Variants in ABCC3 observed in about 807,000 individuals in gnomAD.
The protein encoded by ABCC3 is ATP-binding cassette sub-family C member 3.
ABCC3 carries 121 observed loss-of-function variants against 165.3 expected under a neutral mutation model. The observed-to-expected ratio is 0.73, with a 90% CI of 0.63 to 0.85. The LOEUF (loss-of-function observed/expected upper bound fraction) is 0.85, where lower values mean the gene tolerates loss of function less well. Among genes scored for constraint, ABCC3 ranks in the 40% least tolerant of loss-of-function variants. The pLI, the probability that ABCC3 is intolerant of heterozygous loss-of-function variation, is 0.00. For synonymous variants in ABCC3, 733 were observed against 810.1 expected (o/e 0.90, Z 1.62); for missense variants, 1,869 against 1,964.1 (o/e 0.95, Z 0.92).
In ABCC3 at chr17:50,667,767, G is replaced by A. The variant is rs1967556197; in HGVS notation, c.1635+10G>A. 1.9e-6 allele frequency: 3 copies of A among 1,614,064 alleles called. No homozygotes were observed. Among genetic ancestry groups the A allele is most frequent in the Non-Finnish European group, 2.5e-6 (3 of 1,180,022 alleles). On this transcript the variant is annotated intron_variant, in intron 12 of 30. Coordinates refer to ENST00000285238, the MANE Select transcript of ABCC3 (RefSeq NM_003786.4). ...GTGCAGCCCCTTCCTGGTGAGGCTT[G>A]GCACAGGGCTGGGTCCCTGCCTCCA...
chr17:50,683,611 C>G lies in ABCC3; in HGVS notation c.3809C>G (p.Ala1270Gly), dbSNP rs145122306. The G allele has an allele frequency of 2.6e-5, 41 of 1,556,140 alleles. No homozygotes were observed. Among genetic ancestry groups the G allele is most frequent in the Non-Finnish European group, 3.4e-5 (39 of 1,152,392 alleles). ...VKEYSKTETE[A>G]PWVVEGSRPP... ...GACCCCATCTGCCCCTCCTGCCAGG[C>G]GCCCTGGGTGGTGGAAGGCAGCCGC... Residue 1270 changes from alanine (A) to glycine (G), a missense_variant and splice_region_variant, in exon 27 of 31, where the codon GCG (alanine) becomes GGG (glycine). Transcript: ENST00000285238.
rs769985556 is a variant in ABCC3 at position 50,667,663 on chromosome 17, T to C, written c.1541T>C (p.Val514Ala). The C allele has an allele frequency of 6.8e-6, 11 of 1,614,114 alleles. No individual in the cohort carries two copies. Among genetic ancestry groups the C allele is most frequent in the Non-Finnish European group, 9.3e-6 (11 of 1,180,024 alleles). Reference sequence around the variant, plus strand: ...TGGGAGCCCAGCTTCCTGAAGCAGGTGGAGGGCATCAGGCAGGGTGAGCTC... The same window carrying C: ...TGGGAGCCCAGCTTCCTGAAGCAGGCGGAGGGCATCAGGCAGGGTGAGCTC... ...YAWEPSFLKQ[V>A]EGIRQGELQL... Residue 514 changes from valine (V) to alanine (A), a missense_variant, in exon 12 of 31, where the codon GTG (valine) becomes GCG (alanine). Coordinates refer to ENST00000285238, the MANE Select transcript of ABCC3 (RefSeq NM_003786.4).
At chr17:50,687,442 C>T (rs1968041940) in intron 29 of ABCC3, 94 bp from the exon 30 acceptor site, 1 of 1,282,976 alleles carries the variant, frequency 7.8e-7, no homozygotes, top group Non-Finnish European at 1.1e-6. Context: ...GAAAACCAGT[C>T]CTGGGCCACT....
Position 50,675,954 on chromosome 17 carries a change from G to C in ABCC3, c.2931G>C (p.Leu977=), listed in dbSNP as rs139036111. Residue 977 remains leucine, a synonymous_variant, in exon 22 of 31, where the codon CTG becomes CTC. Coordinates refer to ENST00000285238, the MANE Select transcript of ABCC3 (RefSeq NM_003786.4). The part of the protein sequence containing the change: ...GLCTTLAICL[L]YVGQSAAAIG... ...GTACCACGCTGGCCATCTGTCTCCT[G>C]TATGTGGGTCAAAGTGCGGCTGCCA... is the stretch of plus-strand genomic sequence containing the variant. 1 of 1,614,186 alleles carries C rather than the reference G, an allele frequency of 6.2e-7. No individual in the cohort carries two copies.
At chr17:50,657,744 C>T (rs1015023992) in intron 4 of ABCC3, among the ~76,000 whole-genome samples, 6 of 152,206 alleles carry the variant, frequency 3.9e-5, no homozygotes, top group Middle Eastern at 3.2e-3. Context: ...CATGTGGGCT[C>T]GGGCGGGTCG....
At position 50,657,119 on chromosome 17, in the gene ABCC3, G is replaced by T. The variant is rs745705296; in HGVS notation, c.422G>T (p.Trp141Leu). 1 of 1,614,156 alleles carries T rather than the reference G, an allele frequency of 6.2e-7. No homozygotes were observed. The highest frequency in any genetic ancestry group is 1.1e-5 in the South Asian group (1 of 91,078). The change falls in exon 4 of 31, where the codon TGG becomes TTG. Residue 141 changes from tryptophan to leucine, a missense_variant. Physicochemically the swap from Trp to Leu is moderately conservative, Grantham distance 61 (BLOSUM62 -2). Transcript: ENST00000285238. The part of the protein sequence containing the change: ...VQSSGVLIIF[W>L]FLCVVCAIVP... ...TCTTCGGGGGTCCTCATTATCTTCTGGTTCCTGTGTGTGGTCTGCGCCATC... is the reference window on the plus strand; with the variant it reads ...TCTTCGGGGGTCCTCATTATCTTCTTGTTCCTGTGTGTGGTCTGCGCCATC...
intron 1 of ABCC3, among the ~76,000 whole-genome samples, chr17:50,636,445 G>A (rs1199776403): frequency 2.0e-5 from 3 of 152,112 alleles, no homozygotes; most frequent in African/African-American, 7.2e-5. Flanking sequence ...AATCCGAGAT[G>A]GTGCAACTTC....
At chr17:50,662,637 C>CAAAAA (rs60389534) in intron 8 of ABCC3, among the ~76,000 whole-genome samples, 6 of 74,896 alleles carry the variant, frequency 8.0e-5, no homozygotes, top group African/African-American at 1.0e-4. Flanking sequence ...GACCCTGTCT[C>CAAAAA]AAAAAAAAAA....
At chr17:50,688,085 T>A (rs1006754056) in intron 30 of ABCC3, among the ~76,000 whole-genome samples, 1 of 152,010 alleles carries the variant, frequency 6.6e-6, no homozygotes, top group East Asian at 1.9e-4. Context: ...CTAATTTTTG[T>A]ATTTTTAGTA....
chr17:50,658,651 G>C (rs1341037360), intron 6 of ABCC3, 155 bp downstream of exon 6: 3 of 829,590 alleles, frequency 3.6e-6, no homozygotes, highest in Non-Finnish European at 5.9e-6. Context: ...TAGGGAAGTG[G>C]TCTGGGAGGG....
chr17:50,683,872 G>C, intron 27 of ABCC3, 77 bp from the exon 28 acceptor site: 2 of 1,562,834 alleles, frequency 1.3e-6, no homozygotes, highest in East Asian at 4.6e-5. Flanking sequence ...ATGTTTGTTC[G>C]GCCTCCAGGA....
chr17:50,655,723 C>G, intron 1 of ABCC3, 109 bp from the exon 2 acceptor site: 3 of 1,019,586 alleles, frequency 2.9e-6, no homozygotes, highest in Non-Finnish European at 4.3e-6. Context: ...CTGTCTTCCA[C>G]TCCACCCCTG....
chr17:50,651,066 G>GA (rs57837230), intron 1 of ABCC3, among the ~76,000 whole-genome samples: 238 of 84,240 alleles, frequency 2.8e-3, no homozygotes, highest in East Asian at 8.6e-3. Context: ...CTCCATCTCA[G>GA]AAAAAAAAAA....
At position 50,680,667 on chromosome 17, in the gene ABCC3, C is replaced by T. The variant is rs947210744; in HGVS notation, c.3807+768C>T. Among the ~76,000 whole-genome samples the T allele has an allele frequency of 7.2e-5, 11 of 152,264 alleles. No individual in the cohort carries two copies. In the East Asian group the frequency reaches 9.7e-4, roughly 13 times the overall value. On this transcript the variant is annotated intron_variant, in intron 26 of 30. Coordinates refer to ENST00000285238, the MANE Select transcript of ABCC3 (RefSeq NM_003786.4). Reference sequence around the variant, plus strand: ...AGAGTCTATGCTCCACCAACACAAACGCTCTCACCTGCCTTGCCCTTCTCT... The same window carrying T: ...AGAGTCTATGCTCCACCAACACAAATGCTCTCACCTGCCTTGCCCTTCTCT...
intron 30 of ABCC3, 40 bp from the exon 31 acceptor site, chr17:50,691,052 G>T (rs1424154350): frequency 1.3e-6 from 2 of 1,527,708 alleles, no homozygotes; most frequent in Admixed American, 3.3e-5. Context: ...ACCAGGTCAG[G>T]GCTGATGGAA....
chr17:50,642,044 C>A (rs1038669394), intron 1 of ABCC3, among the ~76,000 whole-genome samples: 10 of 151,056 alleles, frequency 6.6e-5, no homozygotes, highest in Non-Finnish European at 1.2e-4. Flanking sequence ...TGCCGTTCAA[C>A]CTGTAATTTG....
intron 1 of ABCC3, among the ~76,000 whole-genome samples, chr17:50,653,187 A>G (rs1455217522): frequency 6.6e-6 from 1 of 151,544 alleles, no homozygotes; most frequent in Non-Finnish European, 1.5e-5. Context: ...CTCTACTAAA[A>G]ATACAAAAAT....
At position 50,667,750 on chromosome 17, in the gene ABCC3, C is replaced by A. The variant is rs371269343; in HGVS notation, c.1628C>A (p.Pro543His). Residue 543 changes from proline to histidine, a missense_variant, in exon 12 of 31, where the codon CCC becomes CAC. By Grantham distance (77) the Pro-to-His change is moderately conservative. Transcript: ENST00000285238. ...ACCACCTTCACCTGGATGTGCAGCCCCTTCCTGGTGAGGCTTGGCACAGGG... is the reference window on the plus strand; with the variant it reads ...ACCACCTTCACCTGGATGTGCAGCCACTTCCTGGTGAGGCTTGGCACAGGG... Reference protein sequence around the residue: ...TTTTFTWMCSPFLVTLITLWV... With the variant: ...TTTTFTWMCSHFLVTLITLWV... The A allele has an allele frequency of 3.1e-6, 5 of 1,614,116 alleles. No homozygotes were observed. The South Asian group carries it at 3.3e-5, about 11-fold the overall frequency.
intron 29 of ABCC3, among the ~76,000 whole-genome samples, chr17:50,685,914 G>A (rs1968013617): frequency 6.6e-6 from 1 of 152,136 alleles, no homozygotes; most frequent in African/African-American, 2.4e-5. Context: ...ACTAAAACAA[G>A]GCCAGGCACA....
Sources: gnomAD v4.1 joint callset for allele counts (sites outside exome capture counted in the v4.1 genomes callset) on GRCh38, gnomAD v4.1.1 for gene constraint, MANE v1.5 for transcripts, NCBI Gene and HGNC (gene_info 2026-07-23, HGNC 2026-07-21) for gene names.